The following FHIT variants were observed in gnomAD, a reference collection of about 807,000 sequenced individuals.
FHIT encodes the protein bis(5'-adenosyl)-triphosphatase.
FHIT carries 19 observed loss-of-function variants against 17.9 expected under a neutral mutation model. The observed-to-expected ratio is 1.06, with a 90% CI of 0.74 to 1.56. The LOEUF (loss-of-function observed/expected upper bound fraction) is 1.56. Ranked by LOEUF, FHIT falls within the 40% of genes most tolerant of loss-of-function variation. FHIT has a pLI of 0.00. For missense variants in FHIT, 248 were observed against 189.2 expected (o/e 1.31, Z -1.82); for synonymous variants, 81 against 69.7 (o/e 1.16, Z -0.81).
At chr3:60,936,628 C>T (rs1375258189) in intron 3 of FHIT, among the ~76,000 whole-genome samples, 2 of 152,082 alleles carry the variant, frequency 1.3e-5, no homozygotes, top group Admixed American at 6.5e-5. Context: ...TTATAACATA[C>T]ATTATTGCCT....
At chr3:59,769,985 CT>C (rs1701998509) in intron 8 of FHIT, among the ~76,000 whole-genome samples, 1 of 152,180 alleles carries the variant, frequency 6.6e-6, no homozygotes, top group Non-Finnish European at 1.5e-5. Context: ...TTCAACTGCT[CT>C]ATGCATTGCC....
At chr3:60,442,526 G>A (rs995991701) in intron 5 of FHIT, among the ~76,000 whole-genome samples, 4 of 152,122 alleles carry the variant, frequency 2.6e-5, no homozygotes, top group African/African-American at 7.2e-5. Flanking sequence ...TTGTTAAATA[G>A]GGAATCCTTT....
intron 2 of FHIT, among the ~76,000 whole-genome samples, chr3:61,184,371 C>T (rs1431313008): frequency 6.6e-6 from 1 of 152,100 alleles, no homozygotes; most frequent in Non-Finnish European, 1.5e-5. Flanking sequence ...GGCAGGAAAA[C>T]TGCACTGACT....
rs139497026 is a variant in FHIT, at chr3:61,039,750, C to T, written c.-111+2297G>A. ...TTAGCATTAGGAGAAATACCTAATG[C>T]AGATGACGGGTTGATGGGTGTAGCA... is the stretch of plus-strand genomic sequence containing the variant. On this transcript the variant is annotated intron_variant, in intron 3 of 9. Transcript: ENST00000492590. 5.9e-3 allele frequency among the ~76,000 whole-genome samples: 899 copies of T among 152,204 alleles called. 14 individuals carry two copies. Among genetic ancestry groups the T allele is most frequent in the African/African-American group, 0.021 (854 of 41,508 alleles).
chr3:59,924,926 C>A (rs760787985), intron 7 of FHIT, among the ~76,000 whole-genome samples: 14 of 152,212 alleles, frequency 9.2e-5, no homozygotes, highest in Non-Finnish European at 1.5e-5. Flanking sequence ...GGTTTCTTAC[C>A]TTGCTTCTGC....
In FHIT at chr3:60,014,065, C is replaced by G; in HGVS notation, c.191G>C (p.Arg64Thr). 6.2e-7 allele frequency: 1 copy of G among 1,614,068 alleles called. No homozygotes were observed. The highest frequency in any genetic ancestry group is 2.2e-5 in the East Asian group (1 of 44,854). The change falls in exon 6 of 10, where the codon AGA becomes ACA. Residue 64 changes from arginine (R) to threonine (T), a missense_variant. Physicochemically the swap from Arg to Thr is moderately conservative, Grantham distance 71 (BLOSUM62 -1). Transcript: ENST00000492590. ...ATGTTTTTCCACCACTGTCCCGACTCTCTGGGTCGTCTGAAACAAATCGGC... is the reference window on the plus strand; with the variant it reads ...ATGTTTTTCCACCACTGTCCCGACTGTCTGGGTCGTCTGAAACAAATCGGC... ...EVADLFQTTQ[R>T]VGTVVEKHFH...
At chr3:59,847,132 G>C (rs553530145) in intron 8 of FHIT, among the ~76,000 whole-genome samples, 1 of 152,160 alleles carries the variant, frequency 6.6e-6, no homozygotes, top group African/African-American at 2.4e-5. Flanking sequence ...ACAAATTTGG[G>C]AAGTTTTTAT....
chr3:60,142,931 G>A (rs548365754), intron 5 of FHIT, among the ~76,000 whole-genome samples: 1 of 152,236 alleles, frequency 6.6e-6, no homozygotes, highest in South Asian at 2.1e-4. Context: ...GTAAACAAAT[G>A]TCATAGACAA....
intron 4 of FHIT, among the ~76,000 whole-genome samples, chr3:60,565,931 A>C (rs2037118335): frequency 6.6e-6 from 1 of 152,110 alleles, no homozygotes; most frequent in Admixed American, 6.6e-5. Flanking sequence ...CACTGCTTTG[A>C]ATGTGTCCCA....
intron 5 of FHIT, among the ~76,000 whole-genome samples, chr3:60,248,872 A>C (rs1705540753): frequency 6.6e-6 from 1 of 152,116 alleles, no homozygotes; most frequent in Non-Finnish European, 1.5e-5. Flanking sequence ...TTTATACCAG[A>C]AGGAAAGTCA....
chr3:59,950,078 T>A (rs13063413), intron 7 of FHIT, among the ~76,000 whole-genome samples: 1 of 152,012 alleles, frequency 6.6e-6, no homozygotes, highest in Non-Finnish European at 1.5e-5. Context: ...TGGGTCTTAA[T>A]GTCCTTATTG....
chr3:60,048,458 G>C (rs1191783696), intron 5 of FHIT, among the ~76,000 whole-genome samples: 1 of 152,164 alleles, frequency 6.6e-6, no homozygotes, highest in Non-Finnish European at 1.5e-5. Context: ...TTACAGGCGT[G>C]AGTCTCTACG....
chr3:60,793,026 T>G (rs1056907908), intron 4 of FHIT, among the ~76,000 whole-genome samples: 5 of 152,120 alleles, frequency 3.3e-5, no homozygotes, highest in Non-Finnish European at 7.4e-5. Flanking sequence ...AAGCAGGGGC[T>G]GAAGTCAGGT....
intron 5 of FHIT, among the ~76,000 whole-genome samples, chr3:60,019,415 C>CTTTTTTTTTT (rs1281567026): frequency 0.021 from 2,557 of 120,792 alleles, 95 homozygotes; most frequent in South Asian, 0.064. Flanking sequence ...TGAGATGCTC[C>CTTTTTTTTTT]TTTTTTTTTT....
At chr3:59,980,346 G>A (rs1344228416) in intron 7 of FHIT, among the ~76,000 whole-genome samples, 3 of 152,178 alleles carry the variant, frequency 2.0e-5, no homozygotes. Flanking sequence ...ACAAAAGTGT[G>A]CATCTATATT....
At chr3:60,281,215 A>G (rs1707434708) in intron 5 of FHIT, among the ~76,000 whole-genome samples, 4 of 152,156 alleles carry the variant, frequency 2.6e-5, no homozygotes, top group Admixed American at 6.6e-5. Flanking sequence ...AAACGAATAG[A>G]TATTCTGTGT....
At chr3:60,446,891 AATAATAAT>A (rs1313490198) in intron 5 of FHIT, among the ~76,000 whole-genome samples, 2 of 144,204 alleles carry the variant, frequency 1.4e-5, no homozygotes, top group African/African-American at 4.9e-5. Flanking sequence ...TAATAATAAT[AATAATAAT>A]AAAAAGCCTT....
chr3:60,960,360 A>T (rs1191148392), intron 3 of FHIT, among the ~76,000 whole-genome samples: 1 of 152,182 alleles, frequency 6.6e-6, no homozygotes, highest in Non-Finnish European at 1.5e-5. Context: ...TCTAAATCAC[A>T]TTGGGAAAAT....
At chr3:59,959,521 A>T (rs1707565308) in intron 7 of FHIT, among the ~76,000 whole-genome samples, 2 of 152,172 alleles carry the variant, frequency 1.3e-5, no homozygotes, top group South Asian at 4.2e-4. Flanking sequence ...ATACTATAGG[A>T]GGTAAGAGAT....
Sources: allele counts gnomAD v4.1 joint callset (sites outside exome capture counted in the v4.1 genomes callset), GRCh38; gene constraint gnomAD v4.1.1; transcripts MANE v1.5; gene names NCBI Gene and HGNC (gene_info 2026-07-23, HGNC 2026-07-21).